Variants in PKD2L1 observed in about 807,000 individuals in gnomAD.
PKD2L1 encodes polycystin-2-like protein 1.
Under a neutral mutation model 93.0 loss-of-function variants are expected in PKD2L1, and 77 were observed. The ratio of observed to expected loss-of-function variants is 0.83; its 90% CI spans 0.69 to 1.00. PKD2L1 has a LOEUF of 1.00. PKD2L1 is among the 50% of genes least tolerant of loss of function. PKD2L1 has a pLI of 0.00. For synonymous variants in PKD2L1, 390 were observed against 388.0 expected (o/e 1.01, Z -0.06); for missense variants, 977 against 990.9 (o/e 0.99, Z 0.19).
intron 2 of PKD2L1, among the ~76,000 whole-genome samples, chr10:100,326,951 CA>C (rs1159771548): frequency 2.0e-5 from 3 of 152,182 alleles, no homozygotes; most frequent in Non-Finnish European, 4.4e-5. Context: ...ACCTAGAGAA[CA>C]GATGACCAAG....
chr10:100,294,583 GC>G lies in PKD2L1; in HGVS notation c.1610del (p.Gly537AlafsTer17). 6.2e-7 allele frequency: 1 copy of G among 1,613,992 alleles called. No homozygotes were observed. The highest frequency in any genetic ancestry group is 8.5e-7 in the Non-Finnish European group (1 of 1,179,920). On this transcript the variant is annotated frameshift_variant, in exon 9 of 16. Transcript: ENST00000318222. LOFTEE classifies it high-confidence loss of function. ...NAIDNANRIL[G>X]PAYFVTYVFF... Reference sequence around the variant, plus strand: ...AGACATAGGTGACAAAGTAGGCAGGGCCCAGGATGCGGTTGGCATTGTCGAT... The same window carrying G: ...AGACATAGGTGACAAAGTAGGCAGGGCCAGGATGCGGTTGGCATTGTCGAT...
At chr10:100,329,113 C>G in intron 2 of PKD2L1, 98 bp downstream of exon 2, 7 of 1,137,638 alleles carry the variant, frequency 6.2e-6, no homozygotes, top group Non-Finnish European at 9.0e-6. Flanking sequence ...CAGATAGATG[C>G]TCGCTCCACA....
At chr10:100,306,876 A>AAGAG (rs1176781027) in intron 2 of PKD2L1, among the ~76,000 whole-genome samples, 2 of 146,186 alleles carry the variant, frequency 1.4e-5, no homozygotes, top group Admixed American at 6.8e-5. Flanking sequence ...AAAAAAAAGA[A>AAGAG]AGAGAGAGAA....
chr10:100,294,304 G>A (rs990062998), intron 9 of PKD2L1, among the ~76,000 whole-genome samples: 1 of 152,026 alleles, frequency 6.6e-6, no homozygotes, highest in Admixed American at 6.6e-5. Context: ...GAGAATGAGG[G>A]TTTGATTTTA....
At position 100,291,803 on chromosome 10, in the gene PKD2L1, C is replaced by T. The variant is rs147443451; in HGVS notation, c.1881-376G>A. Among the ~76,000 whole-genome samples the T allele has an allele frequency of 1.6e-4, 25 of 152,190 alleles. No individual in the cohort carries two copies. In the East Asian group the frequency reaches 4.8e-3, roughly 29 times the overall value. On this transcript the variant is annotated intron_variant, in intron 11 of 15. Coordinates refer to ENST00000318222, the MANE Select transcript of PKD2L1 (RefSeq NM_016112.3). ...TCTAAAAATGTGCCTTCTTGAAATC[C>T]CTTCTGGCACCCTATTCTTTTGGCA...
chr10:100,298,561 C>T lies in PKD2L1; in HGVS notation c.731+1G>A, dbSNP rs764810726. 56 of 1,613,752 alleles carry T rather than the reference C, an allele frequency of 3.5e-5. No individual in the cohort carries two copies. Among genetic ancestry groups the T allele is most frequent in the Middle Eastern group, 1.6e-4 (1 of 6,084 alleles). On this transcript the variant is annotated splice_donor_variant, in intron 4 of 15. Transcript: ENST00000318222. LOFTEE classifies it high-confidence loss of function. Reference sequence around the variant, plus strand: ...GATATTGGTAGGACAGGCTCACTCACGCTGTGCCATTGAAGGGCCCAAAGG... The same window carrying T: ...GATATTGGTAGGACAGGCTCACTCATGCTGTGCCATTGAAGGGCCCAAAGG...
chr10:100,299,744 T>A (rs769726020), intron 2 of PKD2L1, 26 bp from the exon 3 acceptor site: 1 of 1,610,608 alleles, frequency 6.2e-7, no homozygotes, highest in South Asian at 1.1e-5. Flanking sequence ...AGAGGCTATG[T>A]CCTTCTCACT....
intron 2 of PKD2L1, among the ~76,000 whole-genome samples, chr10:100,314,382 T>C (rs1285757225): frequency 6.6e-6 from 1 of 151,780 alleles, no homozygotes; most frequent in Non-Finnish European, 1.5e-5. Flanking sequence ...TGGGCAGAGG[T>C]AGGCGAGAAG....
In PKD2L1 at chr10:100,315,442, A is replaced by T. The variant is rs560690870; in HGVS notation, c.349+13769T>A. The stretch of plus-strand genomic sequence containing the variant: ...CCCTCCCCTTGCCCCCTACCCCGTG[A>T]CAGGCCTGGGTGTGTGTTGTTCCCC... On this transcript the variant is annotated intron_variant, in intron 2 of 15. Transcript: ENST00000318222. 3.6e-4 allele frequency among the ~76,000 whole-genome samples: 54 copies of T among 152,102 alleles called. No homozygotes were observed. The East Asian group carries it at 8.7e-3, about 25-fold the overall frequency.
intron 2 of PKD2L1, among the ~76,000 whole-genome samples, chr10:100,311,628 TGA>T (rs1235263329): frequency 6.6e-6 from 1 of 152,194 alleles, no homozygotes; most frequent in Non-Finnish European, 1.5e-5. Flanking sequence ...CTTTCCCAGG[TGA>T]TTGCCATATA....
chr10:100,316,790 T>C (rs1040584097), intron 2 of PKD2L1, among the ~76,000 whole-genome samples: 1 of 152,180 alleles, frequency 6.6e-6, no homozygotes, highest in African/African-American at 2.4e-5. Flanking sequence ...CATTACCTTA[T>C]TAAAAGTTAA....
At chr10:100,310,689 C>G (rs907339464) in intron 2 of PKD2L1, among the ~76,000 whole-genome samples, 1 of 152,068 alleles carries the variant, frequency 6.6e-6, no homozygotes, top group African/African-American at 2.4e-5. Flanking sequence ...AAAAAAGAGT[C>G]AAATGAAAAG....
chr10:100,289,885 T>C (rs1848365912), intron 14 of PKD2L1, 130 bp downstream of exon 14: 1 of 1,085,948 alleles, frequency 9.2e-7, no homozygotes, highest in Non-Finnish European at 1.4e-6. Context: ...CACTAACCGC[T>C]ATGAACATGT....
intron 2 of PKD2L1, among the ~76,000 whole-genome samples, chr10:100,308,407 T>A (rs1370251625): frequency 1.3e-5 from 2 of 152,134 alleles, no homozygotes; most frequent in African/African-American, 4.8e-5. Flanking sequence ...CCATCTCGGC[T>A]CACTGCAACC....
At chr10:100,299,898 A>G (rs57801463) in intron 2 of PKD2L1, among the ~76,000 whole-genome samples, 180 bp from the exon 3 acceptor site, 7,507 of 152,210 alleles carry the variant, frequency 0.049, 631 homozygotes, top group African/African-American at 0.17. Context: ...ATGCATTAGG[A>G]AAGGGTTGTA....
chr10:100,317,556 A>C (rs1019538378), intron 2 of PKD2L1, among the ~76,000 whole-genome samples: 1 of 152,148 alleles, frequency 6.6e-6, no homozygotes, highest in African/African-American at 2.4e-5. Flanking sequence ...CAAACAAAGA[A>C]AAATTTTAAT....
In PKD2L1 at chr10:100,290,671, G is replaced by A. The variant is rs184368067; in HGVS notation, c.2008-152C>T. On this transcript the variant is annotated intron_variant, in intron 12 of 15. Coordinates refer to ENST00000318222, the MANE Select transcript of PKD2L1 (RefSeq NM_016112.3). ...CCCTCCCAGACTCTGGAGACAATAG[G>A]GTCAGGGTGGTGGTGCTGGACCAAC... 3.0e-4 allele frequency: 183 copies of A among 603,374 alleles called. 1 individual carries two copies. Among genetic ancestry groups the A allele is most frequent in the Admixed American group, 1.8e-3 (61 of 34,204 alleles). 37.4% of individuals were successfully genotyped at this position (603,374 alleles called of 1,614,324 possible).
At chr10:100,318,438 C>T (rs76740267) in intron 2 of PKD2L1, among the ~76,000 whole-genome samples, 3,743 of 152,184 alleles carry the variant, frequency 0.025, 98 homozygotes, top group African/African-American at 0.059. Context: ...GAGTTATATG[C>T]TCTTTTGCTA....
At chr10:100,301,244 C>G (rs923383752) in intron 2 of PKD2L1, among the ~76,000 whole-genome samples, 1 of 152,224 alleles carries the variant, frequency 6.6e-6, no homozygotes. Flanking sequence ...ACTAGAATCA[C>G]TAATGAACTT....
Sources: gnomAD v4.1 joint callset for allele counts (sites outside exome capture counted in the v4.1 genomes callset) on GRCh38, gnomAD v4.1.1 for gene constraint, MANE v1.5 for transcripts, NCBI Gene and HGNC (gene_info 2026-07-23, HGNC 2026-07-21) for gene names.